Variants in KIF13A observed in about 807,000 individuals in gnomAD.
KIF13A encodes the protein kinesin-like protein KIF13A.
In KIF13A, 79 loss-of-function variants were observed where a neutral mutation model predicts 212.2. The observed-to-expected ratio is 0.37, with a 90% CI of 0.31 to 0.45. KIF13A has a LOEUF of 0.45. Among genes scored for constraint, KIF13A ranks in the 20% least tolerant of loss-of-function variants. KIF13A has a pLI of 1.00. For synonymous variants in KIF13A, 789 were observed against 808.6 expected, an observed-to-expected ratio of 0.98 and a Z score of 0.41; for missense variants, 1,901 against 2,209.0, an observed-to-expected ratio of 0.86 and a Z score of 2.79.
intron 2 of KIF13A, among the ~76,000 whole-genome samples, chr6:17,945,157 G>A (rs74774881): frequency 6.6e-6 from 1 of 152,074 alleles, no homozygotes; most frequent in Non-Finnish European, 1.5e-5. Context: ...ACTACTTTTG[G>A]TATATTTATG....
Position 17,764,399 on chromosome 6 carries a change from C to T in KIF13A, c.5129G>A (p.Ser1710Asn), listed in dbSNP as rs1291909729. ...SELDACPSKI[S>N]QPARGFCPRE... ...GGGGCAGAATCCCCTGGCTGGCTGG[C>T]TAATTTTGCTGGGGCAGGCATCTAG... Residue 1710 changes from serine to asparagine, a missense_variant, in exon 39 of 39, where the codon AGC (serine) becomes AAC (asparagine). Physicochemically the swap from Ser to Asn is conservative, Grantham distance 46 (BLOSUM62 1). Transcript: ENST00000259711. The surrounding 1 kb of genome is among the most constrained non-coding windows in gnomAD (Gnocchi z 5.1). The T allele has an allele frequency of 1.9e-6, 3 of 1,613,842 alleles. No individual in the cohort carries two copies. The highest frequency in any genetic ancestry group is 1.1e-5 in the South Asian group (1 of 91,084).
At position 17,828,658 on chromosome 6, in the gene KIF13A, T is replaced by C. The variant is rs1200919773; in HGVS notation, c.1402-288A>G. 6.6e-6 allele frequency among the ~76,000 whole-genome samples: 1 copy of C among 152,226 alleles called. No homozygotes were observed. Among genetic ancestry groups the C allele is most frequent in the African/African-American group, 2.4e-5 (1 of 41,468 alleles). On this transcript the variant is annotated intron_variant, in intron 13 of 38. Coordinates refer to ENST00000259711, the MANE Select transcript of KIF13A (RefSeq NM_022113.6). This position sits in a 1 kb window ranked among gnomAD's most constrained non-coding sequence, Gnocchi z 4.3. ...GACAGTAGAATACTTTGAGTTTCAATTGTGACTTGACCACGGGGAAGCCAT... is the reference window on the plus strand; with the variant it reads ...GACAGTAGAATACTTTGAGTTTCAACTGTGACTTGACCACGGGGAAGCCAT...
In KIF13A at chr6:17,926,360, G is replaced by GTAGC. The variant is rs752488550; in HGVS notation, c.147-28184_147-28181dup. 2.6e-5 allele frequency among the ~76,000 whole-genome samples: 4 copies of GTAGC among 152,100 alleles called. No homozygotes were observed. The highest frequency in any genetic ancestry group is 5.9e-5 in the Non-Finnish European group (4 of 68,018). On this transcript the variant is annotated intron_variant, in intron 2 of 38. Transcript: ENST00000259711. The surrounding 1 kb of genome is among the most constrained non-coding windows in gnomAD (Gnocchi z 4.3). ...TGATTCTCGTGCCTCAGTCTCCCGA[G>GTAGC]TAGCTGGGATAACAGGCACGCACCA...
chr6:17,863,856 T>C (rs988835177), intron 4 of KIF13A, among the ~76,000 whole-genome samples: 9 of 152,208 alleles, frequency 5.9e-5, no homozygotes, highest in Non-Finnish European at 1.3e-4. Flanking sequence ...CAGTCCCTTT[T>C]CTCAGCATAG....
At chr6:17,977,492 A>G (rs1487903701) in intron 2 of KIF13A, among the ~76,000 whole-genome samples, 1 of 152,254 alleles carries the variant, frequency 6.6e-6, no homozygotes, top group Non-Finnish European at 1.5e-5. Flanking sequence ...GTAAGGCCCA[A>G]AAATATAGAA....
chr6:17,963,577 A>G lies in KIF13A; in HGVS notation c.146+23477T>C, dbSNP rs1374539753. On this transcript the variant is annotated intron_variant, in intron 2 of 38. Coordinates refer to ENST00000259711, the MANE Select transcript of KIF13A (RefSeq NM_022113.6). The surrounding 1 kb of genome is among the most constrained non-coding windows in gnomAD (Gnocchi z 4.1). Reference sequence around the variant, plus strand: ...TTTGTTCTATATCTTTCTTTTTTTGAGACAGAGTCTTGCTGTGTCGCCTAG... The same window carrying G: ...TTTGTTCTATATCTTTCTTTTTTTGGGACAGAGTCTTGCTGTGTCGCCTAG... 2.6e-5 allele frequency among the ~76,000 whole-genome samples: 4 copies of G among 152,168 alleles called. No homozygotes were observed. The highest frequency in any genetic ancestry group is 5.9e-5 in the Non-Finnish European group (4 of 68,022).
intron 2 of KIF13A, among the ~76,000 whole-genome samples, chr6:17,937,739 C>CTTTTTTTTTT (rs1487188222): frequency 7.8e-6 from 1 of 128,514 alleles, no homozygotes; most frequent in African/African-American, 2.8e-5. Flanking sequence ...AATTTCTTTC[C>CTTTTTTTTTT]TTTTTTGTTT....
In KIF13A at chr6:17,783,057, T is replaced by G. The variant is rs934600029; in HGVS notation, c.3544+589A>C. ...AGAACAGAGGTTTTCAGGCTGTGTTTTGAGGAGCCCTAGGGCCCTGCCAAA... is the reference window on the plus strand; with the variant it reads ...AGAACAGAGGTTTTCAGGCTGTGTTGTGAGGAGCCCTAGGGCCCTGCCAAA... On this transcript the variant is annotated intron_variant, in intron 29 of 38. Transcript: ENST00000259711. This position sits in a 1 kb window ranked among gnomAD's most constrained non-coding sequence, Gnocchi z 4.3. Among the ~76,000 whole-genome samples the G allele has an allele frequency of 4.6e-5, 7 of 152,224 alleles. No individual in the cohort carries two copies. Among genetic ancestry groups the G allele is most frequent in the African/African-American group, 1.7e-4 (7 of 41,460 alleles).
rs376102077 is a variant in KIF13A, at chr6:17,874,263, ATGTTTT to A, written c.160-832_160-827del. ...CTCTGCAGGCAATCTCCAGCAAAGCATGTTTTTGTTTTTGTTTTTGTTTTTTGGTGG... is the reference window on the plus strand; with the variant it reads ...CTCTGCAGGCAATCTCCAGCAAAGCATGTTTTTGTTTTTGTTTTTTGGTGG... On this transcript the variant is annotated intron_variant, in intron 3 of 38. Coordinates refer to ENST00000259711, the MANE Select transcript of KIF13A (RefSeq NM_022113.6). Among the ~76,000 whole-genome samples, 236 of 115,878 alleles carry A rather than the reference ATGTTTT, an allele frequency of 2.0e-3. 9 individuals carry two copies. In the East Asian group the frequency reaches 0.064, roughly 31 times the overall value. The allele number at this position is 115,878 out of a possible 152,430, so 76.0% of individuals were successfully genotyped here.
rs1295519346 is a variant in KIF13A, at chr6:17,805,380, TG to T, written c.2304+94del. ...TCATGAGCACATCTCCGTGTGTGTG[TG>T]TGTGTGTGTGTGTGTGTGTGTGTGT... On this transcript the variant is annotated intron_variant, in intron 19 of 38. Transcript: ENST00000259711. 276 of 222,818 alleles carry T rather than the reference TG, an allele frequency of 1.2e-3. 1 individual carries two copies. The highest frequency in any genetic ancestry group is 7.4e-3 in the African/African-American group (241 of 32,528). 13.8% of individuals were successfully genotyped at this position (222,818 alleles called of 1,614,324 possible).
chr6:17,855,100 T>C lies in KIF13A; in HGVS notation c.494+337A>G, dbSNP rs1207830255. ...GGATGTTTCAATCCTTCAACCCTTTTACCCTTAACACATTAGTGCCACTTT... is the reference window on the plus strand; with the variant it reads ...GGATGTTTCAATCCTTCAACCCTTTCACCCTTAACACATTAGTGCCACTTT... On this transcript the variant is annotated intron_variant, in intron 6 of 38. Transcript: ENST00000259711. This position sits in a 1 kb window ranked among gnomAD's most constrained non-coding sequence, Gnocchi z 4.1. Among the ~76,000 whole-genome samples, 1 of 152,136 alleles carries C rather than the reference T, an allele frequency of 6.6e-6. No individual in the cohort carries two copies. The highest frequency in any genetic ancestry group is 1.5e-5 in the Non-Finnish European group (1 of 68,020).
intron 4 of KIF13A, among the ~76,000 whole-genome samples, chr6:17,869,721 C>G (rs569847355): frequency 3.3e-4 from 51 of 152,338 alleles, no homozygotes; most frequent in Middle Eastern, 3.4e-3. Flanking sequence ...AATAGCAAGA[C>G]ATGATTGAGA....
chr6:17,870,792 C>A (rs1040167615), intron 4 of KIF13A, among the ~76,000 whole-genome samples: 29 of 152,106 alleles, frequency 1.9e-4, no homozygotes, highest in African/African-American at 6.5e-4. Context: ...CCAAGATATA[C>A]CTTCTGCTCA....
At chr6:17,775,430 G>C (rs1254515228) in intron 34 of KIF13A, among the ~76,000 whole-genome samples, 7 of 152,074 alleles carry the variant, frequency 4.6e-5, no homozygotes, top group Admixed American at 4.6e-4. Context: ...AGAATCTCTA[G>C]AGTATATATC....
chr6:17,964,496 T>C (rs367924846), intron 2 of KIF13A, among the ~76,000 whole-genome samples: 3 of 152,108 alleles, frequency 2.0e-5, no homozygotes, highest in East Asian at 1.9e-4. Context: ...AACCCAATCA[T>C]TGGATAAAAT....
intron 2 of KIF13A, among the ~76,000 whole-genome samples, chr6:17,960,646 C>T (rs944328216): frequency 4.6e-5 from 7 of 152,110 alleles, no homozygotes; most frequent in Admixed American, 2.0e-4. Context: ...CATCATCTCT[C>T]AGGAGGAGGT....
rs1765162854 is a variant in KIF13A at position 17,828,489 on chromosome 6, C to A, written c.1402-119G>T. 2 of 742,872 alleles carry A rather than the reference C, an allele frequency of 2.7e-6. No individual in the cohort carries two copies. The highest frequency in any genetic ancestry group is 4.1e-6 in the Non-Finnish European group (2 of 484,334). 46.0% of individuals were successfully genotyped at this position (742,872 alleles called of 1,614,324 possible). On this transcript the variant is annotated intron_variant, in intron 13 of 38. Transcript: ENST00000259711. This position sits in a 1 kb window ranked among gnomAD's most constrained non-coding sequence, Gnocchi z 4.3. ...GCACAAAAATATTAAACGAATCCTG[C>A]CAGAGATGTTAAATATCTTAAGCAT... is the stretch of plus-strand genomic sequence containing the variant.
chr6:17,884,856 C>T (rs1449951984), intron 3 of KIF13A, among the ~76,000 whole-genome samples: 1 of 152,148 alleles, frequency 6.6e-6, no homozygotes, highest in Admixed American at 6.5e-5. Context: ...CTGAAAAGCC[C>T]CATTTCTCCA....
intron 2 of KIF13A, 81 bp downstream of exon 2, chr6:17,986,973 G>C: frequency 1.0e-6 from 1 of 971,596 alleles, no homozygotes; most frequent in Non-Finnish European, 1.7e-6. Context: ...ATAGGAAAGA[G>C]CACTCCCATT....
Sources: allele counts gnomAD v4.1 joint callset (sites outside exome capture counted in the v4.1 genomes callset), GRCh38; gene constraint gnomAD v4.1.1; non-coding constraint Gnocchi (gnomAD v3.1); transcripts MANE v1.5; gene names NCBI Gene and HGNC (gene_info 2026-07-23, HGNC 2026-07-21).